The following SH3BP5L variants were observed in gnomAD, a reference collection of about 807,000 sequenced individuals.
SH3BP5L encodes the protein SH3 binding domain protein 5 like.
SH3BP5L carries 16 observed loss-of-function variants against 40.9 expected under a neutral mutation model. That is an observed-to-expected ratio of 0.39 (90% CI 0.27 to 0.59). The LOEUF (loss-of-function observed/expected upper bound fraction) is 0.59, where lower values mean the gene tolerates loss of function less well. SH3BP5L is among the 20% of genes least tolerant of loss of function. The probability of loss-of-function intolerance (pLI) is 0.53; values close to 1 mark genes in which losing one functional copy is unlikely to be tolerated. For missense variants in SH3BP5L, 471 were observed against 544.6 expected (o/e 0.86, Z 1.35); for synonymous variants, 229 against 226.7 (o/e 1.01, Z -0.09).
intron 1 of SH3BP5L, 62 bp downstream of exon 1, chr1:248,825,773 C>A: frequency 3.2e-6 from 2 of 616,714 alleles, no homozygotes; most frequent in Non-Finnish European, 4.1e-6. Flanking sequence ...TCCGCAATCC[C>A]AAGGACCCTA....
chr1:248,812,714 T>C lies in SH3BP5L; in HGVS notation c.711+275A>G, dbSNP rs1663983937. 3.3e-5 allele frequency among the ~76,000 whole-genome samples: 5 copies of C among 152,102 alleles called. No individual in the cohort carries two copies. In the South Asian group the frequency reaches 1.0e-3, roughly 32 times the overall value. On this transcript the variant is annotated intron_variant, in intron 6 of 6. Coordinates refer to ENST00000366472, the MANE Select transcript of SH3BP5L (RefSeq NM_030645.3). This position sits in a 1 kb window ranked among gnomAD's most constrained non-coding sequence, Gnocchi z 6.1. Reference sequence around the variant, plus strand: ...CTTTCACCCAATGGCTGGTTCTTCTTCCCCATCCCAGATTTCCACCAGTTC... The same window carrying C: ...CTTTCACCCAATGGCTGGTTCTTCTCCCCCATCCCAGATTTCCACCAGTTC...
At chr1:248,813,937 C>T (rs1420524619) in intron 5 of SH3BP5L, 5 of 173,752 alleles carry the variant, frequency 2.9e-5, no homozygotes, top group Admixed American at 2.8e-4. Context: ...GCCACAAACA[C>T]CCCCTCGAGT....
Position 248,816,678 on chromosome 1 carries a change from G to A in SH3BP5L, c.247-16C>T, listed in dbSNP as rs764378758. 5 of 1,613,872 alleles carry A rather than the reference G, an allele frequency of 3.1e-6. No individual in the cohort carries two copies. In the Admixed American group the frequency reaches 6.7e-5, roughly 22 times the overall value. On this transcript the variant is annotated splice_polypyrimidine_tract_variant and intron_variant, in intron 3 of 6. Coordinates refer to ENST00000366472, the MANE Select transcript of SH3BP5L (RefSeq NM_030645.3). ...TCCTGGCCTCCTGGAAAGGAACAAG[G>A]CAGAGGAAAGGCACATGTTTGGGTC...
chr1:248,820,249 C>A (rs1664221597), intron 2 of SH3BP5L, among the ~76,000 whole-genome samples: 1 of 152,088 alleles, frequency 6.6e-6, no homozygotes, highest in Non-Finnish European at 1.5e-5. Context: ...AGCTCAGGGC[C>A]CCAGAGGAGG....
At chr1:248,819,827 G>A (rs1450231892) in intron 2 of SH3BP5L, among the ~76,000 whole-genome samples, 2 of 152,060 alleles carry the variant, frequency 1.3e-5, no homozygotes, top group Non-Finnish European at 2.9e-5. Context: ...CAGGCCACGG[G>A]TTGGAAAAGC....
chr1:248,819,843 C>G (rs957710118), intron 2 of SH3BP5L, among the ~76,000 whole-genome samples: 2 of 151,956 alleles, frequency 1.3e-5, no homozygotes, highest in Non-Finnish European at 2.9e-5. Context: ...AAAGCTTGCT[C>G]TAAATTTTCT....
intron 4 of SH3BP5L, chr1:248,814,843 A>T: frequency 1.5e-6 from 1 of 650,442 alleles, no homozygotes; most frequent in Non-Finnish European, 2.8e-6. Flanking sequence ...AGATGTGTGA[A>T]ATCCAGCACT....
rs200269193 is a variant in SH3BP5L at position 248,824,743 on chromosome 1, G to A, written c.183+10C>T. The A allele has an allele frequency of 2.5e-6, 4 of 1,612,548 alleles. No homozygotes were observed. The highest frequency in any genetic ancestry group is 1.7e-5 in the Admixed American group (1 of 59,908). On this transcript the variant is annotated intron_variant, in intron 2 of 6. Coordinates refer to ENST00000366472, the MANE Select transcript of SH3BP5L (RefSeq NM_030645.3). ...GGCTCTCCTTCTCTCCCTGCTCTCA[G>A]TGCTCTCACCTGTATTCTAGGATCC...
At chr1:248,819,512 G>A (rs2103017162) in intron 2 of SH3BP5L, among the ~76,000 whole-genome samples, 1 of 151,838 alleles carries the variant, frequency 6.6e-6, no homozygotes, top group East Asian at 1.9e-4. Context: ...GAACAGCCTG[G>A]GCAACATGAT....
At chr1:248,817,187 G>T in intron 2 of SH3BP5L, 1 of 608,604 alleles carries the variant, frequency 1.6e-6, no homozygotes, top group Non-Finnish European at 2.8e-6. Context: ...ACGTGAAGTT[G>T]TGGTGAGCCC....
At chr1:248,815,838 C>T (rs1240645967) in intron 4 of SH3BP5L, among the ~76,000 whole-genome samples, 2 of 152,202 alleles carry the variant, frequency 1.3e-5, no homozygotes, top group Non-Finnish European at 2.9e-5. Context: ...AGGCGCTGCG[C>T]TTTGCTTTCT....
At chr1:248,817,359 G>A (rs1664136312) in intron 2 of SH3BP5L, among the ~76,000 whole-genome samples, 1 of 152,210 alleles carries the variant, frequency 6.6e-6, no homozygotes, top group African/African-American at 2.4e-5. Context: ...CGTGAGACCT[G>A]AGAATTCAGG....
In SH3BP5L at chr1:248,816,410, C is replaced by A. The variant is rs896935295; in HGVS notation, c.375+124G>T. ...GCCCACAGAGCTGGTTCCGACCAGC[C>A]AGGTCTAGCCCAGGGCTCTGCCCTC... On this transcript the variant is annotated intron_variant, in intron 4 of 6. Transcript: ENST00000366472. 41 of 1,295,862 alleles carry A rather than the reference C, an allele frequency of 3.2e-5. 1 individual carries two copies. Among genetic ancestry groups the A allele is most frequent in the Non-Finnish European group, 4.1e-5 (38 of 933,144 alleles). The allele number at this position is 1,295,862 out of a possible 1,614,324, so 80.3% of individuals were successfully genotyped here. A position where few individuals can be genotyped will look rare whatever the true frequency, so the allele number is the denominator to read the frequency against.
In SH3BP5L at chr1:248,821,783, G is replaced by A. The variant is rs1036159737; in HGVS notation, c.183+2970C>T. 3.3e-5 allele frequency among the ~76,000 whole-genome samples: 5 copies of A among 152,156 alleles called. No homozygotes were observed. The highest frequency in any genetic ancestry group is 1.2e-4 in the African/African-American group (5 of 41,430). Reference sequence around the variant, plus strand: ...GACACAGCCAGCAGCCTTCCCTGGAGGGACAGCACGCTCCAGGTAGGCACC... The same window carrying A: ...GACACAGCCAGCAGCCTTCCCTGGAAGGACAGCACGCTCCAGGTAGGCACC... On this transcript the variant is annotated intron_variant, in intron 2 of 6. Transcript: ENST00000366472. The surrounding 1 kb of genome is among the most constrained non-coding windows in gnomAD (Gnocchi z 4.6).
chr1:248,824,435 A>C (rs1191408283), intron 2 of SH3BP5L, among the ~76,000 whole-genome samples: 1 of 152,142 alleles, frequency 6.6e-6, no homozygotes. Context: ...AAAGAAGTAC[A>C]ACACACCTAC....
chr1:248,818,667 C>A (rs748344705), intron 2 of SH3BP5L, among the ~76,000 whole-genome samples: 5 of 152,200 alleles, frequency 3.3e-5, no homozygotes, highest in Non-Finnish European at 7.3e-5. Context: ...ATAGAACCAT[C>A]CAGGGCTTTC....
chr1:248,816,394 G>A, intron 4 of SH3BP5L, 140 bp downstream of exon 4: 1 of 1,008,906 alleles, frequency 9.9e-7, no homozygotes, highest in Non-Finnish European at 1.5e-6. Context: ...AGCCCACAGA[G>A]CTGGTTCCGA....
Position 248,812,898 on chromosome 1 carries a change from T to A in SH3BP5L, c.711+91A>T. 8.0e-7 allele frequency: 1 copy of A among 1,256,062 alleles called. No homozygotes were observed. Among genetic ancestry groups the A allele is most frequent in the Non-Finnish European group, 1.1e-6 (1 of 913,614 alleles). The allele number at this position is 1,256,062 out of a possible 1,614,324, so 77.8% of individuals were successfully genotyped here. Reference sequence around the variant, plus strand: ...AGCCGGAGGCCTCACCCTGGCCACCTCACCAAGATGGCCCAGAGAGGCCGA... The same window carrying A: ...AGCCGGAGGCCTCACCCTGGCCACCACACCAAGATGGCCCAGAGAGGCCGA... On this transcript the variant is annotated intron_variant, in intron 6 of 6. Coordinates refer to ENST00000366472, the MANE Select transcript of SH3BP5L (RefSeq NM_030645.3). This position sits in a 1 kb window ranked among gnomAD's most constrained non-coding sequence, Gnocchi z 6.1.
Position 248,824,918 on chromosome 1 carries a change from CT to C in SH3BP5L, c.17del (p.Gln6ArgfsTer18). On this transcript the variant is annotated frameshift_variant, in exon 2 of 7. Coordinates refer to ENST00000366472, the MANE Select transcript of SH3BP5L (RefSeq NM_030645.3). LOFTEE classifies it high-confidence loss of function. Reference protein sequence around the residue: MAELRQVPGGRETPQG... With the variant: MAELRXVPGGRETPQG... ...GTGGGGTCTCCCGCCCTCCTGGAACCTGTCTGAGCTCAGCCATGCTGACAGG... is the reference window on the plus strand; with the variant it reads ...GTGGGGTCTCCCGCCCTCCTGGAACCGTCTGAGCTCAGCCATGCTGACAGG... 1 of 1,613,508 alleles carries C rather than the reference CT, an allele frequency of 6.2e-7. No homozygotes were observed. Among genetic ancestry groups the C allele is most frequent in the Non-Finnish European group, 8.5e-7 (1 of 1,179,728 alleles).
Sources: allele counts gnomAD v4.1 joint callset (sites outside exome capture counted in the v4.1 genomes callset), GRCh38; gene constraint gnomAD v4.1.1; non-coding constraint Gnocchi (gnomAD v3.1); transcripts MANE v1.5; gene names NCBI Gene and HGNC (gene_info 2026-07-23, HGNC 2026-07-21).